Variants in PSMD5 observed in about 807,000 individuals in gnomAD.
PSMD5 encodes the protein 26S proteasome non-ATPase regulatory subunit 5.
PSMD5 carries 40 observed loss-of-function variants against 52.1 expected under a neutral mutation model. The observed-to-expected ratio is 0.77, with a 90% confidence interval of 0.60 to 1.00. The LOEUF (loss-of-function observed/expected upper bound fraction) is 1.00, where lower values mean the gene tolerates loss of function less well. Ranked by LOEUF, PSMD5 falls within the 50% of genes least tolerant of loss-of-function variation. PSMD5 has a pLI of 0.00. For missense variants in PSMD5, 575 were observed against 605.2 expected, an observed-to-expected ratio of 0.95 and a Z score of 0.52; for synonymous variants, 211 against 226.6, an observed-to-expected ratio of 0.93 and a Z score of 0.62.
At position 120,817,825 on chromosome 9, in the gene PSMD5, T is replaced by C. The variant is rs1242025343; in HGVS notation, c.*81A>G. The C allele has an allele frequency of 9.9e-6, 14 of 1,419,646 alleles. No individual in the cohort carries two copies. The highest frequency in any genetic ancestry group is 1.3e-5 in the Non-Finnish European group (14 of 1,045,320). The allele number at this position is 1,419,646 out of a possible 1,614,324, so 87.9% of individuals were successfully genotyped here. A position where few individuals can be genotyped will look rare whatever the true frequency, so the allele number is the denominator to read the frequency against. Reference sequence around the variant, plus strand: ...TAATTCTTGGGGAAAGGAAGTCTCTTTTGTGAAATATAGATGGAGTCAAAT... The same window carrying C: ...TAATTCTTGGGGAAAGGAAGTCTCTCTTGTGAAATATAGATGGAGTCAAAT... On this transcript the variant is annotated 3_prime_UTR_variant, in exon 10 of 10. Coordinates refer to ENST00000210313, the MANE Select transcript of PSMD5 (RefSeq NM_005047.4).
intron 1 of PSMD5, among the ~76,000 whole-genome samples, chr9:120,833,672 CTTTTTTTTTTTTT>C (rs71385094): frequency 1.2e-5 from 1 of 85,620 alleles, no homozygotes; most frequent in African/African-American, 4.8e-5. Context: ...CTCTAGTCTT[CTTTTTTTTTTTTT>C]TTTTTTTTTT....
rs750982612 is a variant in PSMD5 at position 120,821,378 on chromosome 9, T to C, written c.1093A>G (p.Ile365Val). The C allele has an allele frequency of 1.3e-5, 21 of 1,600,786 alleles. 1 individual carries two copies. The South Asian group carries it at 2.1e-4, about 16-fold the overall frequency. ...ACTGGTAAGTACAGAAGAGATGAAA[T>C]TGCATCCAAACATCTAATTTTTAGC... ...VELKIRCLDA[I>V]SSLLYLPPEQ... The change falls in exon 8 of 10, where the codon ATT becomes GTT. Residue 365 changes from isoleucine (I) to valine (V), a missense_variant. Ile to Val is a conservative substitution (Grantham distance 29). Transcript: ENST00000210313.
At position 120,818,048 on chromosome 9, in the gene PSMD5, T is replaced by G; in HGVS notation, c.1373A>C (p.Glu458Ala). ...GGAATTGGCAAGTGCTTTCACTAGT[T>G]CATATTTGGCATCCTTTGAAGCTTT... ...HDKASKDAKY[E>A]LVKALANSKT... Residue 458 changes from glutamate (E) to alanine (A), a missense_variant, in exon 10 of 10, where the codon GAA becomes GCA. Physicochemically the swap from Glu to Ala is moderately radical, Grantham distance 107. Coordinates refer to ENST00000210313, the MANE Select transcript of PSMD5 (RefSeq NM_005047.4). 1 of 1,614,228 alleles carries G rather than the reference T, an allele frequency of 6.2e-7. No homozygotes were observed. Among genetic ancestry groups the G allele is most frequent in the Non-Finnish European group, 8.5e-7 (1 of 1,180,036 alleles).
intron 6 of PSMD5, 32 bp downstream of exon 6, chr9:120,826,733 C>A: frequency 6.2e-7 from 1 of 1,604,720 alleles, no homozygotes; most frequent in Non-Finnish European, 8.5e-7. Context: ...AAAACACGCA[C>A]CATCATTTCC....
At position 120,831,929 on chromosome 9, in the gene PSMD5, T is replaced by C; in HGVS notation, c.335A>G (p.Glu112Gly). The C allele has an allele frequency of 6.2e-7, 1 of 1,612,398 alleles. No individual in the cohort carries two copies. Among genetic ancestry groups the C allele is most frequent in the Non-Finnish European group, 8.5e-7 (1 of 1,179,632 alleles). The change falls in exon 3 of 10, where the codon GAA becomes GGA. Residue 112 changes from glutamate (E) to glycine (G), a missense_variant. Physicochemically the swap from Glu to Gly is moderately conservative, Grantham distance 98. Coordinates refer to ENST00000210313, the MANE Select transcript of PSMD5 (RefSeq NM_005047.4). ...AATCTCAGTAACAGCATCAGAATTT[T>C]CAACAATTCTTCCAATCTGAAAGAA... is the stretch of plus-strand genomic sequence containing the variant. Reference protein sequence around the residue: ...LTLSQIGRIVENSDAVTEILN... With the variant: ...LTLSQIGRIVGNSDAVTEILN...
intron 7 of PSMD5, among the ~76,000 whole-genome samples, chr9:120,823,659 G>A (rs924989229): frequency 1.1e-4 from 17 of 151,752 alleles, no homozygotes; most frequent in Non-Finnish European, 2.1e-4. Context: ...CTACAGTTGT[G>A]CAGTACCATG....
chr9:120,831,804 T>G, intron 3 of PSMD5, 28 bp downstream of exon 3: 1 of 1,601,536 alleles, frequency 6.2e-7, no homozygotes, highest in Non-Finnish European at 8.5e-7. Flanking sequence ...TCTCTGCACA[T>G]TTAAGTCAAT....
chr9:120,840,121 C>A lies in PSMD5; in HGVS notation c.173+2616G>T, dbSNP rs1260008651. 4.4e-5 allele frequency among the ~76,000 whole-genome samples: 6 copies of A among 134,956 alleles called. No individual in the cohort carries two copies. In the East Asian group the frequency reaches 1.1e-3, roughly 24 times the overall value. 88.5% of individuals were successfully genotyped at this position (134,956 alleles called of 152,430 possible). ...CAGCCTGGGCAACAGAACGAGAACC[C>A]GTCTCAAAAAAAAAAAAAAAAAAAA... On this transcript the variant is annotated intron_variant, in intron 1 of 9. Coordinates refer to ENST00000210313, the MANE Select transcript of PSMD5 (RefSeq NM_005047.4).
At position 120,818,182 on chromosome 9, in the gene PSMD5, A is replaced by C. The variant is rs2045058804; in HGVS notation, c.1258-19T>G. ...CAATGGCCTGAAATGGAAGGCAGAA[A>C]GAATACAATTCCCCTGAGTGGAAGT... is the stretch of plus-strand genomic sequence containing the variant. On this transcript the variant is annotated intron_variant, in intron 9 of 9. Transcript: ENST00000210313. 3 of 1,602,656 alleles carry C rather than the reference A, an allele frequency of 1.9e-6. No homozygotes were observed. The East Asian group carries it at 6.7e-5, about 36-fold the overall frequency.
chr9:120,826,414 A>C (rs1428125921), intron 6 of PSMD5, among the ~76,000 whole-genome samples: 1 of 152,172 alleles, frequency 6.6e-6, no homozygotes, highest in Admixed American at 6.5e-5. Context: ...ATTTGTTAAG[A>C]GTTTTTATCA....
intron 1 of PSMD5, among the ~76,000 whole-genome samples, chr9:120,835,661 G>A (rs140870148): frequency 6.6e-4 from 101 of 151,998 alleles, no homozygotes; most frequent in African/African-American, 2.3e-3. Context: ...CCCAGGAGGC[G>A]GCAGTTGCAG....
intron 1 of PSMD5, among the ~76,000 whole-genome samples, chr9:120,838,732 T>C (rs538246365): frequency 6.6e-6 from 1 of 152,352 alleles, no homozygotes; most frequent in South Asian, 2.1e-4. Context: ...CTTCAGTTCC[T>C]ACTGCATCTC....
At chr9:120,822,833 T>C (rs2045095177) in intron 7 of PSMD5, among the ~76,000 whole-genome samples, 2 of 151,852 alleles carry the variant, frequency 1.3e-5, no homozygotes, top group Admixed American at 6.6e-5. Context: ...GGCCTCTTTT[T>C]AAATTTTTTT....
intron 7 of PSMD5, chr9:120,824,096 A>G (rs2045104802): frequency 5.6e-6 from 1 of 177,056 alleles, no homozygotes; most frequent in Non-Finnish European, 1.1e-5. Flanking sequence ...ACAGAGAGAC[A>G]CTCTCAATCT....
At chr9:120,819,337 G>A (rs1284485675) in intron 9 of PSMD5, among the ~76,000 whole-genome samples, 7 of 152,154 alleles carry the variant, frequency 4.6e-5, no homozygotes, top group Non-Finnish European at 1.0e-4. Context: ...ACTTTGGCCT[G>A]CTTCACAACC....
At position 120,818,126 on chromosome 9, in the gene PSMD5, A is replaced by C. The variant is rs757898564; in HGVS notation, c.1295T>G (p.Phe432Cys). The change falls in exon 10 of 10, where the codon TTT (phenylalanine) becomes TGT (cysteine). Residue 432 changes from phenylalanine to cysteine, a missense_variant. Transcript: ENST00000210313. ...ATATTCTACAAAACCTGGACTGTTA[A>C]ACATAAGTTTCTGAGCCCAGGGTTG... is the stretch of plus-strand genomic sequence containing the variant. ...ANQPWAQKLM[F>C]NSPGFVEYVV... The C allele has an allele frequency of 1.9e-6, 3 of 1,613,982 alleles. No homozygotes were observed. The highest frequency in any genetic ancestry group is 2.5e-6 in the Non-Finnish European group (3 of 1,179,950).
At position 120,831,404 on chromosome 9, in the gene PSMD5, A is replaced by C; in HGVS notation, c.488T>G (p.Phe163Cys). The change falls in exon 4 of 10, where the codon TTT becomes TGT. Residue 163 changes from phenylalanine (F) to cysteine (C), a missense_variant. Coordinates refer to ENST00000210313, the MANE Select transcript of PSMD5 (RefSeq NM_005047.4). ...SLTQAGLEALFESNLLDDLKS... is the reference protein window; with the variant it reads ...SLTQAGLEALCESNLLDDLKS... ...CAAATCATCCAGCAGATTGCTTTCA[A>C]ATAAAGCCTCCAGTCCAGCTTGGGT... 6.2e-7 allele frequency: 1 copy of C among 1,612,898 alleles called. No homozygotes were observed. The highest frequency in any genetic ancestry group is 8.5e-7 in the Non-Finnish European group (1 of 1,179,566).
chr9:120,818,525 T>A (rs2045061124), intron 9 of PSMD5, among the ~76,000 whole-genome samples: 1 of 152,032 alleles, frequency 6.6e-6, no homozygotes, highest in African/African-American at 2.4e-5. Flanking sequence ...TTATAAACAA[T>A]GCATGATTAC....
Position 120,824,680 on chromosome 9 carries a change from C to A in PSMD5, c.820G>T (p.Val274Leu). The A allele has an allele frequency of 6.3e-7, 1 of 1,597,556 alleles. No homozygotes were observed. The change falls in exon 7 of 10, where the codon GTG becomes TTG. Residue 274 changes from valine (V) to leucine (L), a missense_variant. By Grantham distance (32) the Val-to-Leu change is conservative. Coordinates refer to ENST00000210313, the MANE Select transcript of PSMD5 (RefSeq NM_005047.4). ...PFSSFYLPGF[V>L]KFFGNLAVMD... Reference sequence around the variant, plus strand: ...ACAGCCAGGTTTCCAAAAAACTTCACGAATCCTAAAGAGATTTACAAAAAT... The same window carrying A: ...ACAGCCAGGTTTCCAAAAAACTTCAAGAATCCTAAAGAGATTTACAAAAAT...
Sources: gnomAD v4.1 joint callset for allele counts (sites outside exome capture counted in the v4.1 genomes callset) on GRCh38, gnomAD v4.1.1 for gene constraint, MANE v1.5 for transcripts, NCBI Gene and HGNC (gene_info 2026-07-23, HGNC 2026-07-21) for gene names.